The following TNR variants were observed in gnomAD, a reference collection of about 807,000 sequenced individuals.
TNR encodes tenascin-R.
TNR carries 45 observed loss-of-function variants against 150.4 expected under a neutral mutation model. The ratio of observed to expected loss-of-function variants is 0.30; its 90% confidence interval spans 0.24 to 0.38. The LOEUF is 0.38. Ranked by LOEUF, TNR falls within the 10% of genes least tolerant of loss-of-function variation. TNR has a pLI of 1.00. For synonymous variants in TNR, 687 were observed against 678.4 expected (o/e 1.01, Z -0.20); for missense variants, 1,544 against 1,759.1 (o/e 0.88, Z 2.19).
chr1:175,639,766 T>A (rs1664595720), intron 1 of TNR, among the ~76,000 whole-genome samples: 1 of 152,234 alleles, frequency 6.6e-6, no homozygotes, highest in Non-Finnish European at 1.5e-5. Flanking sequence ...TCCAGCTTCA[T>A]TCCAGCCTGA....
intron 2 of TNR, among the ~76,000 whole-genome samples, chr1:175,524,969 T>C (rs1659794369): frequency 1.3e-5 from 2 of 152,168 alleles, no homozygotes; most frequent in Admixed American, 1.3e-4. Flanking sequence ...TCCCCTTCCA[T>C]AGTGATATGG....
intron 18 of TNR, among the ~76,000 whole-genome samples, chr1:175,344,133 A>G (rs941631687): frequency 3.3e-5 from 5 of 152,178 alleles, no homozygotes; most frequent in Non-Finnish European, 5.9e-5. Context: ...TGAGATCTCT[A>G]TCGGCTACCC....
At chr1:175,563,584 G>A (rs1571612612) in intron 1 of TNR, among the ~76,000 whole-genome samples, 1 of 152,068 alleles carries the variant, frequency 6.6e-6, no homozygotes, top group East Asian at 1.9e-4. Flanking sequence ...TAATGAAGAG[G>A]GCATCCATCA....
intron 1 of TNR, among the ~76,000 whole-genome samples, chr1:175,595,413 AC>A (rs1375764675): frequency 6.6e-6 from 1 of 152,224 alleles, no homozygotes; most frequent in Non-Finnish European, 1.5e-5. Flanking sequence ...CCCAGTTTAA[AC>A]CCTATTTCAG....
intron 6 of TNR, 95 bp downstream of exon 6, chr1:175,393,685 T>C: frequency 2.1e-6 from 2 of 952,270 alleles, no homozygotes; most frequent in South Asian, 2.7e-5. Flanking sequence ...TGGAGAGAGA[T>C]ATTGGGTAGC....
intron 2 of TNR, among the ~76,000 whole-genome samples, chr1:175,410,683 G>A (rs1571402131): frequency 6.6e-6 from 1 of 152,106 alleles, no homozygotes; most frequent in African/African-American, 2.4e-5. Flanking sequence ...GTCTTTTCTG[G>A]GCTGGTACAT....
At chr1:175,419,422 A>C (rs147952526) in intron 2 of TNR, among the ~76,000 whole-genome samples, 219 of 152,236 alleles carry the variant, frequency 1.4e-3, no homozygotes, top group African/African-American at 4.9e-3. Context: ...AGGGTTCCCA[A>C]AGTTCGTGTG....
chr1:175,329,152 G>A (rs1649576200), intron 21 of TNR, among the ~76,000 whole-genome samples: 1 of 152,204 alleles, frequency 6.6e-6, no homozygotes, highest in African/African-American at 2.4e-5. Flanking sequence ...TAACTGGAAG[G>A]ACAACACCTT....
rs1571690901 is a variant in TNR, at chr1:175,627,260, T to C, written c.-164-98891A>G. On this transcript the variant is annotated intron_variant, in intron 1 of 22. Transcript: ENST00000367674. ...AGCCCTGGATTGAGAGTAAATGCCC[T>C]GTGTTGTTCAAACTTTGACTGTTTC... Among the ~76,000 whole-genome samples, 4 of 152,356 alleles carry C rather than the reference T, an allele frequency of 2.6e-5. No homozygotes were observed. The South Asian group carries it at 8.3e-4, about 32-fold the overall frequency.
At chr1:175,410,924 T>C (rs1239674959) in intron 2 of TNR, among the ~76,000 whole-genome samples, 1 of 152,216 alleles carries the variant, frequency 6.6e-6, no homozygotes, top group African/African-American at 2.4e-5. Context: ...ACCTACCCTA[T>C]CAGGGGATAA....
chr1:175,477,843 G>T (rs986156219), intron 2 of TNR, among the ~76,000 whole-genome samples: 2 of 152,190 alleles, frequency 1.3e-5, no homozygotes. Flanking sequence ...CTCCCTGAGC[G>T]GAGTGTTTCA....
chr1:175,403,765 A>G (rs1234753905), intron 3 of TNR, 149 bp from the exon 4 acceptor site: 2 of 681,514 alleles, frequency 2.9e-6, no homozygotes, highest in East Asian at 2.7e-5. Context: ...TACATATTCA[A>G]TTTAATAAAT....
chr1:175,376,716 A>G (rs750376708), intron 9 of TNR, among the ~76,000 whole-genome samples: 13 of 152,244 alleles, frequency 8.5e-5, no homozygotes, highest in Non-Finnish European at 1.6e-4. Flanking sequence ...CAATCCTTGC[A>G]ACTAGCATCT....
intron 1 of TNR, among the ~76,000 whole-genome samples, chr1:175,609,086 G>C (rs1663511226): frequency 2.0e-5 from 3 of 152,216 alleles, no homozygotes; most frequent in Admixed American, 2.0e-4. Context: ...TGTCCCTGGG[G>C]AATGGATAAG....
intron 18 of TNR, among the ~76,000 whole-genome samples, chr1:175,350,118 T>C (rs1443583386): frequency 6.6e-6 from 1 of 152,242 alleles, no homozygotes; most frequent in Non-Finnish European, 1.5e-5. Flanking sequence ...TCATTAATTT[T>C]CACAACCTCA....
At chr1:175,727,866 TA>T (rs1162381910) in intron 1 of TNR, among the ~76,000 whole-genome samples, 4 of 152,004 alleles carry the variant, frequency 2.6e-5, no homozygotes, top group African/African-American at 9.7e-5. Context: ...GAGAGGAGAT[TA>T]AAAAGTGAGG....
chr1:175,552,429 C>A (rs1660981325), intron 1 of TNR, among the ~76,000 whole-genome samples: 1 of 152,188 alleles, frequency 6.6e-6, no homozygotes, highest in African/African-American at 2.4e-5. Context: ...ATGGTGCTGT[C>A]CAGTTTACAA....
intron 1 of TNR, among the ~76,000 whole-genome samples, chr1:175,717,828 G>T (rs757409652): frequency 3.1e-4 from 47 of 152,164 alleles, no homozygotes; most frequent in Admixed American, 5.2e-4. Flanking sequence ...CATGCAGGGT[G>T]TCCTCATGGG....
chr1:175,650,791 C>T (rs116827669), intron 1 of TNR, among the ~76,000 whole-genome samples: 46 of 49,690 alleles, frequency 9.3e-4, no homozygotes, highest in Middle Eastern at 9.6e-3. Context: ...TACTCCTCCT[C>T]CCCCATCTCA....
Sources: gnomAD v4.1 joint callset for allele counts (sites outside exome capture counted in the v4.1 genomes callset) on GRCh38, gnomAD v4.1.1 for gene constraint, MANE v1.5 for transcripts, NCBI Gene and HGNC (gene_info 2026-07-23, HGNC 2026-07-21) for gene names.